Variants in POU2F1 observed in about 807,000 individuals in gnomAD.
POU2F1 encodes the protein POU class 2 homeobox 1.
A neutral mutation model predicts 84.9 loss-of-function variants in POU2F1; 16 were observed. The observed-to-expected ratio is 0.19, with a 90% CI of 0.13 to 0.29. POU2F1 has a LOEUF of 0.29. Among genes scored for constraint, POU2F1 ranks in the 10% least tolerant of loss-of-function variants. The pLI is 1.00. For missense variants in POU2F1, 738 were observed against 942.6 expected (o/e 0.78, Z 2.84); for synonymous variants, 368 against 368.3 (o/e 1.00, Z 0.01).
At chr1:167,238,791 G>C (rs1649686232) in intron 1 of POU2F1, among the ~76,000 whole-genome samples, 2 of 152,210 alleles carry the variant, frequency 1.3e-5, no homozygotes, top group African/African-American at 4.8e-5. Flanking sequence ...AATGTTTTCA[G>C]AGTAAATACT....
At chr1:167,301,301 CTT>C (rs1291305117) in intron 1 of POU2F1, among the ~76,000 whole-genome samples, 6 of 152,124 alleles carry the variant, frequency 3.9e-5, no homozygotes, top group African/African-American at 1.4e-4. Context: ...CATTTTGTAA[CTT>C]TTCACAGACA....
Position 167,367,138 on chromosome 1 carries a change from A to G in POU2F1, c.228+1571A>G, listed in dbSNP as rs556713371. 3.3e-5 allele frequency among the ~76,000 whole-genome samples: 5 copies of G among 152,262 alleles called. No homozygotes were observed. The East Asian group carries it at 7.7e-4, about 23-fold the overall frequency. On this transcript the variant is annotated intron_variant, in intron 3 of 15. Transcript: ENST00000367866. ...TTATTTGAAATTGCGACACCATTGA[A>G]TCTCCCATCAAGACACAAGTCCTTG...
chr1:167,305,710 G>A (rs1405085806), intron 1 of POU2F1, among the ~76,000 whole-genome samples: 1 of 152,172 alleles, frequency 6.6e-6, no homozygotes, highest in Non-Finnish European at 1.5e-5. Context: ...AGCATTAACA[G>A]ATAGTACTTT....
At chr1:167,234,085 T>G (rs2102349145) in intron 1 of POU2F1, among the ~76,000 whole-genome samples, 1 of 152,316 alleles carries the variant, frequency 6.6e-6, no homozygotes, top group South Asian at 2.1e-4. Context: ...ATTATCAGGC[T>G]CTTACCCGTT....
intron 1 of POU2F1, among the ~76,000 whole-genome samples, chr1:167,278,819 A>ATAAAATTCTATTTTAATAGAATTTAT (rs1652920800): frequency 2.0e-5 from 3 of 152,084 alleles, no homozygotes; most frequent in Non-Finnish European, 4.4e-5. Flanking sequence ...ATAGAATTTA[A>ATAAAATTCTATTTTAATAGAATTTAT]TAAAATTCTA....
chr1:167,387,095 T>C, intron 8 of POU2F1: 3 of 447,908 alleles, frequency 6.7e-6, no homozygotes, highest in South Asian at 4.7e-5. Flanking sequence ...GACTTCTTCC[T>C]GGCCTCCGTT....
intron 1 of POU2F1, chr1:167,329,087 T>C: frequency 7.9e-7 from 1 of 1,262,928 alleles, no homozygotes; most frequent in Non-Finnish European, 1.0e-6. Context: ...AGTTGAAGAT[T>C]GCTATGGTGT....
chr1:167,408,889 C>G (rs1298563275), intron 13 of POU2F1, among the ~76,000 whole-genome samples: 2 of 152,200 alleles, frequency 1.3e-5, no homozygotes, highest in African/African-American at 4.8e-5. Context: ...ATTTAAAAAT[C>G]TAAGTTGTTT....
intron 2 of POU2F1, among the ~76,000 whole-genome samples, chr1:167,336,292 T>C (rs1199579959): frequency 6.6e-6 from 1 of 152,272 alleles, no homozygotes; most frequent in East Asian, 1.9e-4. Flanking sequence ...CTCTTGTTGC[T>C]ATTGCAATGA....
intron 2 of POU2F1, among the ~76,000 whole-genome samples, chr1:167,350,408 A>G (rs182796471): frequency 5.7e-4 from 87 of 152,254 alleles, no homozygotes; most frequent in African/African-American, 1.9e-3. Context: ...ATTTAATTCT[A>G]TTTTGTCGTC....
chr1:167,367,391 G>A (rs1433563639), intron 3 of POU2F1, among the ~76,000 whole-genome samples: 2 of 152,084 alleles, frequency 1.3e-5, no homozygotes, highest in Admixed American at 6.5e-5. Context: ...TAATACAATA[G>A]GTGTTCAGTA....
At chr1:167,391,744 G>A (rs1648425866) in intron 9 of POU2F1, among the ~76,000 whole-genome samples, 1 of 150,448 alleles carries the variant, frequency 6.6e-6, no homozygotes, top group African/African-American at 2.4e-5. Flanking sequence ...TTTTTGTAGA[G>A]ACAAGGTCTT....
intron 1 of POU2F1, among the ~76,000 whole-genome samples, chr1:167,301,410 T>A (rs74540881): frequency 0.029 from 4,434 of 152,298 alleles, 198 homozygotes; most frequent in African/African-American, 0.1. Flanking sequence ...TAAAATTTTT[T>A]AAAAATTGTT....
At chr1:167,401,162 T>G (rs1435754985) in intron 12 of POU2F1, among the ~76,000 whole-genome samples, 1 of 152,220 alleles carries the variant, frequency 6.6e-6, no homozygotes. Context: ...CCTGATCCTG[T>G]CAAATAGTTT....
intron 13 of POU2F1, among the ~76,000 whole-genome samples, chr1:167,406,250 C>T (rs1269571260): frequency 6.6e-6 from 1 of 152,092 alleles, no homozygotes; most frequent in Non-Finnish European, 1.5e-5. Flanking sequence ...TAATGTAACA[C>T]ATTATAATAG....
intron 7 of POU2F1, among the ~76,000 whole-genome samples, chr1:167,378,132 C>T (rs989897492): frequency 2.0e-5 from 3 of 152,234 alleles, no homozygotes; most frequent in African/African-American, 4.8e-5. Context: ...AACTGCTTTC[C>T]GCAATGGCTT....
chr1:167,233,709 A>G (rs1649241922), intron 1 of POU2F1, among the ~76,000 whole-genome samples: 2 of 152,352 alleles, frequency 1.3e-5, no homozygotes, highest in East Asian at 1.9e-4. Context: ...TCAAGGAACA[A>G]AAGTTCAGCA....
At chr1:167,298,993 G>A (rs974085000) in intron 1 of POU2F1, among the ~76,000 whole-genome samples, 5 of 151,896 alleles carry the variant, frequency 3.3e-5, no homozygotes, top group Admixed American at 6.6e-5. Context: ...AGCAAACTCC[G>A]TCTCTACTAA....
At chr1:167,359,163 G>T (rs1659180035) in intron 2 of POU2F1, among the ~76,000 whole-genome samples, 1 of 149,832 alleles carries the variant, frequency 6.7e-6, no homozygotes, top group Non-Finnish European at 1.5e-5. Flanking sequence ...TCTCATCCCT[G>T]GCTCCTGAAA....
Sources: allele counts gnomAD v4.1 joint callset (sites outside exome capture counted in the v4.1 genomes callset), GRCh38; gene constraint gnomAD v4.1.1; transcripts MANE v1.5; gene names NCBI Gene and HGNC (gene_info 2026-07-23, HGNC 2026-07-21).